The following LRIF1 variants were observed in gnomAD, a reference collection of about 807,000 sequenced individuals.
LRIF1 encodes ligand dependent nuclear receptor interacting factor 1.
LRIF1 carries 32 observed loss-of-function variants against 52.7 expected under a neutral mutation model. The ratio of observed to expected loss-of-function variants is 0.61; its 90% CI spans 0.46 to 0.82. LRIF1 has a LOEUF of 0.82. Ranked by LOEUF, LRIF1 falls within the 40% of genes least tolerant of loss-of-function variation. The pLI is 0.00. For synonymous variants in LRIF1, 323 were observed against 317.4 expected, an observed-to-expected ratio of 1.02 and a Z score of -0.19; for missense variants, 887 against 892.0, an observed-to-expected ratio of 0.99 and a Z score of 0.07.
the LRIF1 span, among the ~76,000 whole-genome samples, chr1:110,903,627 A>G: frequency 2.6e-5 from 4 of 152,138 alleles, no homozygotes; most frequent in South Asian, 2.1e-4. Flanking sequence ...CAGTGAAACC[A>G]AGTTACTATG....
intron 1 of LRIF1, among the ~76,000 whole-genome samples, chr1:110,963,066 A>G (rs888926663): frequency 1.3e-5 from 2 of 152,374 alleles, no homozygotes; most frequent in East Asian, 1.9e-4. Flanking sequence ...AAGGCTGTTC[A>G]AAAGGACTGA....
At chr1:110,904,048 A>C in the LRIF1 span, among the ~76,000 whole-genome samples, 1 of 152,144 alleles carries the variant, frequency 6.6e-6, no homozygotes, top group African/African-American at 2.4e-5. Context: ...TCTCCTTTGG[A>C]AAGGGGAGGG....
Position 110,947,848 on chromosome 1 carries a change from A to T in LRIF1, c.*111T>A. 7.0e-7 allele frequency: 1 copy of T among 1,418,998 alleles called. No individual in the cohort carries two copies. The highest frequency in any genetic ancestry group is 9.3e-7 in the Non-Finnish European group (1 of 1,071,386). The allele number at this position is 1,418,998 out of a possible 1,614,324, so 87.9% of individuals were successfully genotyped here. A position where few individuals can be genotyped will look rare whatever the true frequency, so the allele number is the denominator to read the frequency against. On this transcript the variant is annotated 3_prime_UTR_variant, in exon 4 of 4. Transcript: ENST00000369763. ...TAAAGTTGTACAATCGACTGATGAA[A>T]AAACAAGCTTCATATTCAAAGACAC...
chr1:110,955,446 C>T (rs375323127), intron 1 of LRIF1, among the ~76,000 whole-genome samples: 1 of 152,156 alleles, frequency 6.6e-6, no homozygotes, highest in Non-Finnish European at 1.5e-5. Flanking sequence ...TGATCTTTCC[C>T]TGCTTAAAAC....
the LRIF1 span, among the ~76,000 whole-genome samples, chr1:110,907,488 G>A: frequency 2.6e-5 from 4 of 152,058 alleles, no homozygotes; most frequent in Non-Finnish European, 5.9e-5. Context: ...GGTGGCTCAC[G>A]CCTGTAATCC....
chr1:110,899,181 A>G, the LRIF1 span: 4 of 1,613,032 alleles, frequency 2.5e-6, no homozygotes, highest in Non-Finnish European at 3.4e-6. Context: ...AACCAGCCAG[A>G]CCATAGGGCT....
At chr1:110,910,186 C>G in the LRIF1 span, among the ~76,000 whole-genome samples, 1 of 151,552 alleles carries the variant, frequency 6.6e-6, no homozygotes, top group African/African-American at 2.4e-5. Flanking sequence ...ACAGACCTAA[C>G]AGACATCGAC....
At chr1:110,922,322 G>C in the LRIF1 span, among the ~76,000 whole-genome samples, 1 of 152,182 alleles carries the variant, frequency 6.6e-6, no homozygotes, top group Non-Finnish European at 1.5e-5. Context: ...CAAAGGATGA[G>C]TTCAGCCTTC....
chr1:110,896,745 G>A, the LRIF1 span: 23 of 1,609,484 alleles, frequency 1.4e-5, no homozygotes, highest in African/African-American at 4.0e-5. Context: ...TAATTTTGTC[G>A]GCAATGTTTC....
At chr1:110,890,214 T>G in the LRIF1 span, among the ~76,000 whole-genome samples, 104 of 152,216 alleles carry the variant, frequency 6.8e-4, 1 homozygote, top group African/African-American at 2.5e-3. Flanking sequence ...GATATATCAG[T>G]CCTGTGCACG....
rs368369866 is a variant in LRIF1 at position 110,948,365 on chromosome 1, T to C, written c.1904A>G (p.Asn635Ser). ...NFDKKRKAKT[N>S]KKMDHIKKRK... ...CTTCTTTATGTGATCCATCTTCTTA[T>C]TAGTTTTTGCTTTTCTTTTCTTATC... Residue 635 changes from asparagine to serine, a missense_variant, in exon 4 of 4, where the codon AAT (asparagine) becomes AGT (serine). By Grantham distance (46) the Asn-to-Ser change is conservative. Coordinates refer to ENST00000369763, the MANE Select transcript of LRIF1 (RefSeq NM_018372.4). 4 of 1,612,760 alleles carry C rather than the reference T, an allele frequency of 2.5e-6. No individual in the cohort carries two copies. The highest frequency in any genetic ancestry group is 1.3e-5 in the African/African-American group (1 of 74,854).
chr1:110,885,884 G>A, the LRIF1 span, among the ~76,000 whole-genome samples: 109,590 of 152,008 alleles, frequency 0.72, 41,701 homozygotes, highest in Non-Finnish European at 0.84. Context: ...AAATAAAAAT[G>A]AATTAAAGAG....
the LRIF1 span, among the ~76,000 whole-genome samples, chr1:110,930,203 T>C: frequency 6.6e-6 from 1 of 152,194 alleles, no homozygotes; most frequent in Non-Finnish European, 1.5e-5. Flanking sequence ...ATTTTTTCCT[T>C]ATCTTTCATG....
intron 1 of LRIF1, 173 bp downstream of exon 1, chr1:110,963,448 A>T (rs973655732): frequency 6.1e-6 from 3 of 494,436 alleles, no homozygotes; most frequent in African/African-American, 5.7e-5. Flanking sequence ...TTCCCAGAGG[A>T]AAGCGCTCTA....
At chr1:110,903,187 A>G in the LRIF1 span, among the ~76,000 whole-genome samples, 1 of 152,236 alleles carries the variant, frequency 6.6e-6, no homozygotes, top group Admixed American at 6.5e-5. Context: ...CTTGGAAGGC[A>G]GTCTAGGCCA....
chr1:110,902,517 A>AAAAAAAAAAAAAAAAAG, the LRIF1 span, among the ~76,000 whole-genome samples: 40 of 104,714 alleles, frequency 3.8e-4, no homozygotes, highest in Non-Finnish European at 6.2e-4. Context: ...AAAAAAAAAA[A>AAAAAAAAAAAAAAAAAG]AAAGAAATAC....
chr1:110,962,281 C>G (rs1030094414), intron 1 of LRIF1, among the ~76,000 whole-genome samples: 1 of 151,884 alleles, frequency 6.6e-6, no homozygotes, highest in Non-Finnish European at 1.5e-5. Flanking sequence ...CCCCTTCCCC[C>G]AAACTTCCAC....
At chr1:110,877,315 A>G in the LRIF1 span, among the ~76,000 whole-genome samples, 1 of 152,198 alleles carries the variant, frequency 6.6e-6, no homozygotes, top group Non-Finnish European at 1.5e-5. Context: ...GGCTTTTCTT[A>G]TCCCACAAAG....
chr1:110,915,849 A>G, the LRIF1 span, among the ~76,000 whole-genome samples: 1 of 152,380 alleles, frequency 6.6e-6, no homozygotes, highest in East Asian at 1.9e-4. Context: ...TGTGAGAACA[A>G]AAAGACAAAT....
Sources: gnomAD v4.1 joint callset for allele counts (sites outside exome capture counted in the v4.1 genomes callset) on GRCh38, gnomAD v4.1.1 for gene constraint, MANE v1.5 for transcripts, NCBI Gene and HGNC (gene_info 2026-07-23, HGNC 2026-07-21) for gene names.